The following HERC6 variants were observed in gnomAD, a reference collection of about 807,000 sequenced individuals.
The protein encoded by HERC6 is HECT and RLD domain containing E3 ubiquitin protein ligase family member 6.
In HERC6, 101 loss-of-function variants were observed where a neutral mutation model predicts 114.5. That is an observed-to-expected ratio of 0.88 (90% confidence interval 0.75 to 1.04). HERC6 has a LOEUF of 1.04. HERC6 is among the 50% of genes least tolerant of loss of function. HERC6 has a pLI of 0.00. For synonymous variants in HERC6, 408 were observed against 436.2 expected (o/e 0.94, Z 0.81); for missense variants, 1,133 against 1,230.9 (o/e 0.92, Z 1.19).
intron 1 of HERC6, 41 bp downstream of exon 1, chr4:88,379,161 T>G (rs762792098): frequency 6.9e-7 from 1 of 1,443,760 alleles, no homozygotes; most frequent in Non-Finnish European, 9.2e-7. Flanking sequence ...AGGACCCCAG[T>G]ACATGGGCGC....
intron 10 of HERC6, among the ~76,000 whole-genome samples, chr4:88,405,916 A>G (rs1445633448): frequency 1.3e-5 from 2 of 152,204 alleles, no homozygotes; most frequent in Non-Finnish European, 2.9e-5. Flanking sequence ...TAAATCTCAC[A>G]TTGCTTTAGT....
At chr4:88,410,563 A>C (rs534278782) in intron 11 of HERC6, among the ~76,000 whole-genome samples, 145 of 152,224 alleles carry the variant, frequency 9.5e-4, no homozygotes, top group African/African-American at 3.2e-3. Context: ...CATTCATGAG[A>C]GCTCCAATCT....
intron 17 of HERC6, 129 bp downstream of exon 17, chr4:88,431,434 C>T: frequency 1.9e-6 from 2 of 1,059,338 alleles, no homozygotes; most frequent in Non-Finnish European, 2.7e-6. Context: ...TTGAGTAGTA[C>T]TCGTATGGTT....
intron 1 of HERC6, 90 bp downstream of exon 1, chr4:88,379,210 G>C: frequency 9.0e-7 from 1 of 1,109,730 alleles, no homozygotes; most frequent in Non-Finnish European, 1.2e-6. Flanking sequence ...CGGGTGCGGA[G>C]CGCTGGGACC....
In HERC6 at chr4:88,436,885, A is replaced by T; in HGVS notation, c.2418-20A>T. 6.4e-7 allele frequency: 1 copy of T among 1,573,804 alleles called. No homozygotes were observed. Among genetic ancestry groups the T allele is most frequent in the Non-Finnish European group, 8.6e-7 (1 of 1,157,524 alleles). On this transcript the variant is annotated intron_variant, in intron 18 of 22. Coordinates refer to ENST00000264346, the MANE Select transcript of HERC6 (RefSeq NM_017912.4). ...TATAAGATCAATAAATATAATTTTTAAAACCAAAATCTTCATTAGGAGTTT... is the reference window on the plus strand; with the variant it reads ...TATAAGATCAATAAATATAATTTTTTAAACCAAAATCTTCATTAGGAGTTT...
rs1738247934 is a variant in HERC6 at position 88,431,800 on chromosome 4, A to T, written c.2250+495A>T. On this transcript the variant is annotated intron_variant, in intron 17 of 22. Coordinates refer to ENST00000264346, the MANE Select transcript of HERC6 (RefSeq NM_017912.4). ...GCCATGTTGGCCAGGCTGGTCTCAA[A>T]CTCCTGACCTCAAGTGATCCACCTG... Among the ~76,000 whole-genome samples the T allele has an allele frequency of 2.6e-5, 4 of 152,086 alleles. No homozygotes were observed. In the South Asian group the frequency reaches 8.3e-4, roughly 32 times the overall value.
chr4:88,387,738 A>C (rs1734661245), intron 3 of HERC6, among the ~76,000 whole-genome samples: 1 of 152,184 alleles, frequency 6.6e-6, no homozygotes. Flanking sequence ...TATTTAGAAG[A>C]TTGAGTGAGA....
At position 88,417,565 on chromosome 4, in the gene HERC6, A is replaced by G. The variant is rs1736607722; in HGVS notation, c.1699A>G (p.Lys567Glu). Reference protein sequence around the residue: ...CNVKALLGMMKELHKVNKANC... With the variant: ...CNVKALLGMMEELHKVNKANC... ...TGTTAAAGCTCTTTTAGGAATGATG[A>G]AAGAACTGCATAAGGTAAGGGTTAC... The change falls in exon 13 of 23, where the codon AAA becomes GAA. Residue 567 changes from lysine (K) to glutamate (E), a missense_variant. This residue lies in a region of HERC6 where 735 missense variants were observed against 754.0 expected (regional missense o/e 0.97). Coordinates refer to ENST00000264346, the MANE Select transcript of HERC6 (RefSeq NM_017912.4). 1 of 1,612,910 alleles carries G rather than the reference A, an allele frequency of 6.2e-7. No individual in the cohort carries two copies. Among genetic ancestry groups the G allele is most frequent in the East Asian group, 2.2e-5 (1 of 44,846 alleles).
intron 17 of HERC6, among the ~76,000 whole-genome samples, chr4:88,433,082 C>G (rs985535063): frequency 6.6e-6 from 1 of 151,994 alleles, no homozygotes; most frequent in Non-Finnish European, 1.5e-5. Flanking sequence ...AGCGAGACTC[C>G]ATCTCAAAAA....
intron 1 of HERC6, among the ~76,000 whole-genome samples, chr4:88,380,456 C>G (rs761484609): frequency 7.7e-6 from 1 of 129,580 alleles, no homozygotes; most frequent in Non-Finnish European, 1.5e-5. Context: ...CGGTGGCTTA[C>G]GCCTGTGATC....
Position 88,436,453 on chromosome 4 carries a change from T to C in HERC6, c.2418-452T>C, listed in dbSNP as rs113919851. ...TGTGCTGGAGCAGGGGTTCTCAGCC[T>C]TGGCAATACTGACCTTTTGGCCTGT... On this transcript the variant is annotated intron_variant, in intron 18 of 22. Transcript: ENST00000264346. Among the ~76,000 whole-genome samples, 1,113 of 152,350 alleles carry C rather than the reference T, an allele frequency of 7.3e-3. 12 individuals carry two copies. Among genetic ancestry groups the C allele is most frequent in the African/African-American group, 0.025 (1,030 of 41,584 alleles).
At position 88,417,419 on chromosome 4, in the gene HERC6, C is replaced by A; in HGVS notation, c.1559-6C>A. 1 of 1,605,850 alleles carries A rather than the reference C, an allele frequency of 6.2e-7. No individual in the cohort carries two copies. Among genetic ancestry groups the A allele is most frequent in the Non-Finnish European group, 8.5e-7 (1 of 1,175,878 alleles). ...ATATTTATCATGGCTAATTTTACAC[C>A]CCCAGAGAAGTGTTGGGCATTTTTG... On this transcript the variant is annotated splice_polypyrimidine_tract_variant and splice_region_variant and intron_variant, in intron 12 of 22. Coordinates refer to ENST00000264346, the MANE Select transcript of HERC6 (RefSeq NM_017912.4).
chr4:88,432,834 T>C (rs950560768), intron 17 of HERC6, among the ~76,000 whole-genome samples: 3 of 152,110 alleles, frequency 2.0e-5, no homozygotes, highest in African/African-American at 4.8e-5. Context: ...ACATTTTCTT[T>C]CTTAAAGTAA....
intron 3 of HERC6, 66 bp from the exon 4 acceptor site, chr4:88,390,583 TTAG>T: frequency 1.5e-6 from 2 of 1,326,650 alleles, no homozygotes; most frequent in Admixed American, 2.7e-5. Context: ...ATTTGTAGAA[TTAG>T]TAGTTTCTAT....
intron 3 of HERC6, among the ~76,000 whole-genome samples, chr4:88,388,131 A>C (rs1734685178): frequency 6.7e-6 from 1 of 150,318 alleles, no homozygotes; most frequent in African/African-American, 2.5e-5. Context: ...AGATAAGCTT[A>C]GATTAGATTT....
chr4:88,398,133 T>C lies in HERC6; in HGVS notation c.1025-9T>C. ...AAACTCTAAGCATGGATTTATGACT[T>C]TCTTTTAGACTTCGTGGATGTTCAA... On this transcript the variant is annotated splice_polypyrimidine_tract_variant and intron_variant, in intron 7 of 22. Coordinates refer to ENST00000264346, the MANE Select transcript of HERC6 (RefSeq NM_017912.4). 6.4e-7 allele frequency: 1 copy of C among 1,559,902 alleles called. No homozygotes were observed. The highest frequency in any genetic ancestry group is 1.2e-5 in the South Asian group (1 of 81,462).
intron 11 of HERC6, among the ~76,000 whole-genome samples, chr4:88,409,188 C>T (rs1376708882): frequency 6.6e-6 from 1 of 152,156 alleles, no homozygotes. Flanking sequence ...AATTCAAGCC[C>T]CTTTCATCCT....
chr4:88,385,153 C>G (rs1734510596), intron 2 of HERC6, among the ~76,000 whole-genome samples: 1 of 152,156 alleles, frequency 6.6e-6, no homozygotes, highest in South Asian at 2.1e-4. Flanking sequence ...TGTTGGTGTT[C>G]TATAAATTCT....
rs1734015108 is a variant in HERC6 at position 88,379,092 on chromosome 4, C to G, written c.171C>G (p.Arg57=). 6.5e-7 allele frequency: 1 copy of G among 1,545,112 alleles called. No individual in the cohort carries two copies. The highest frequency in any genetic ancestry group is 8.7e-7 in the Non-Finnish European group (1 of 1,146,658). Residue 57 remains arginine (R), a synonymous_variant, in exon 1 of 23, where the codon CGC becomes CGG. Transcript: ENST00000264346. The part of the protein sequence containing the change: ...CGDNSRGQLG[R]RGAQRGELPE... ...ACAACAGCAGGGGTCAGCTGGGCCGCAGGGGCGCGCAGCGCGGGGAGCTGC... is the reference window on the plus strand; with the variant it reads ...ACAACAGCAGGGGTCAGCTGGGCCGGAGGGGCGCGCAGCGCGGGGAGCTGC...
Sources: gnomAD v4.1 joint callset for allele counts (sites outside exome capture counted in the v4.1 genomes callset) on GRCh38, gnomAD v4.1.1 for gene constraint, gnomAD v4.1.1 regional missense constraint, MANE v1.5 for transcripts, NCBI Gene and HGNC (gene_info 2026-07-23, HGNC 2026-07-21) for gene names.